The following SCN2A variants were observed in gnomAD, a reference collection of about 807,000 sequenced individuals.
SCN2A encodes sodium voltage-gated channel alpha subunit 2, also known as sodium channel protein type 2 subunit alpha.
In SCN2A, 20 loss-of-function variants were observed where a neutral mutation model predicts 188.7. The ratio of observed to expected loss-of-function variants is 0.11; its 90% CI spans 0.07 to 0.15. The LOEUF (loss-of-function observed/expected upper bound fraction) is 0.15. SCN2A is among the 10% of genes least tolerant of loss of function. SCN2A has a pLI of 1.00. For missense variants in SCN2A, 1,278 were observed against 2,445.0 expected, an observed-to-expected ratio of 0.52 and a Z score of 10.07; for synonymous variants, 804 against 833.1, an observed-to-expected ratio of 0.97 and a Z score of 0.60.
chr2:165,277,421 G>C (rs1695395887), intron 1 of SCN2A, among the ~76,000 whole-genome samples: 1 of 152,168 alleles, frequency 6.6e-6, no homozygotes. Context: ...AGAACTCAAA[G>C]AGAAAGCTTT....
intron 1 of SCN2A, among the ~76,000 whole-genome samples, chr2:165,263,755 T>C (rs148604091): frequency 1.3e-3 from 193 of 152,112 alleles, no homozygotes; most frequent in African/African-American, 3.9e-3. Flanking sequence ...TGAAGAATAA[T>C]GGTGGTATTT....
intron 1 of SCN2A, among the ~76,000 whole-genome samples, chr2:165,265,394 G>C (rs1417204677): frequency 7.6e-6 from 1 of 131,774 alleles, no homozygotes; most frequent in Admixed American, 7.9e-5. Context: ...ATAGATGCTG[G>C]ATATTAGACC....
At position 165,380,924 on chromosome 2, in the gene SCN2A, A is replaced by T. The variant is rs553456493; in HGVS notation, c.4447-169A>T. 5.9e-6 allele frequency: 4 copies of T among 675,866 alleles called. No homozygotes were observed. In the Admixed American group the frequency reaches 1.2e-4, roughly 20 times the overall value. The allele number at this position is 675,866 out of a possible 1,614,324, so 41.9% of individuals were successfully genotyped here. ...TGTTTTTGATATTTTTAGTCTAGAA[A>T]TATGACTAATATGGCATAATTTATA... On this transcript the variant is annotated intron_variant, in intron 24 of 26. Coordinates refer to ENST00000375437, the MANE Select transcript of SCN2A (RefSeq NM_001040142.2).
intron 25 of SCN2A, among the ~76,000 whole-genome samples, chr2:165,382,134 G>A (rs1017092720): frequency 1.3e-5 from 2 of 152,010 alleles, no homozygotes; most frequent in Admixed American, 1.3e-4. Context: ...TTTACTGTAT[G>A]AGAAAATGTA....
chr2:165,369,001 C>T (rs1430633480), intron 19 of SCN2A, among the ~76,000 whole-genome samples: 1 of 151,970 alleles, frequency 6.6e-6, no homozygotes, highest in Non-Finnish European at 1.5e-5. Context: ...TCTCGACTCA[C>T]TGCAGCCTCC....
chr2:165,371,383 A>C (rs1052646408), intron 20 of SCN2A: 12 of 152,206 alleles, frequency 7.9e-5, no homozygotes, highest in African/African-American at 2.9e-4. Flanking sequence ...TACAAATATA[A>C]ATAAGTCATT....
At chr2:165,257,981 TTTG>T (rs142097858) in intron 1 of SCN2A, among the ~76,000 whole-genome samples, 34,779 of 151,606 alleles carry the variant, frequency 0.23, 4,065 homozygotes, top group African/African-American at 0.29. Context: ...TAATGGTGGT[TTTG>T]TTGTTGTTGT....
chr2:165,280,750 C>T (rs1695549010), intron 1 of SCN2A, among the ~76,000 whole-genome samples: 1 of 152,140 alleles, frequency 6.6e-6, no homozygotes, highest in South Asian at 2.1e-4. Flanking sequence ...CCTTCCCCAT[C>T]CAGACCTGCA....
At chr2:165,330,719 A>G (rs1471733543) in intron 13 of SCN2A, among the ~76,000 whole-genome samples, 1 of 152,182 alleles carries the variant, frequency 6.6e-6, no homozygotes, top group Non-Finnish European at 1.5e-5. Context: ...TGAGGACTCC[A>G]GTTCCTTAGG....
chr2:165,318,178 T>A (rs952986482), intron 11 of SCN2A, among the ~76,000 whole-genome samples: 1 of 152,202 alleles, frequency 6.6e-6, no homozygotes, highest in Non-Finnish European at 1.5e-5. Context: ...TGTGTTTGTA[T>A]TGAAAAACTA....
Position 165,389,765 on chromosome 2 carries a change from G to GA in SCN2A, c.5964dup (p.Asp1989ArgfsTer16). Reference sequence around the variant, plus strand: ...GACCAAACCAGAAAAAGAAAAATTTGAAAAAGACAAATCAGAAAAGGAAGA... The same window carrying GA: ...GACCAAACCAGAAAAAGAAAAATTTGAAAAAAGACAAATCAGAAAAGGAAGA... On this transcript the variant is annotated frameshift_variant, in exon 27 of 27. Transcript: ENST00000375437. LOFTEE classifies it high-confidence loss of function. The surrounding 1 kb of genome is among the most constrained non-coding windows in gnomAD (Gnocchi z 4.2). 1.2e-6 allele frequency: 2 copies of GA among 1,612,748 alleles called. No homozygotes were observed. Among genetic ancestry groups the GA allele is most frequent in the Non-Finnish European group, 1.7e-6 (2 of 1,179,634 alleles).
At position 165,246,942 on chromosome 2, in the gene SCN2A, G is replaced by T. The variant is rs116298733; in HGVS notation, c.-52+7302G>T. ...ACCTCCTACCTTGACCTCACTCTCA[G>T]TTGACAACTTTGTTTCCTAAATCAG... On this transcript the variant is annotated intron_variant, in intron 1 of 26. Transcript: ENST00000375437. Among the ~76,000 whole-genome samples, 1,417 of 152,080 alleles carry T rather than the reference G, an allele frequency of 9.3e-3. 18 individuals are homozygous for T. Among genetic ancestry groups the T allele is most frequent in the African/African-American group, 0.032 (1,344 of 41,484 alleles).
chr2:165,381,233 A>G (rs756523174), intron 25 of SCN2A, 36 bp downstream of exon 25: 4 of 1,406,914 alleles, frequency 2.8e-6, no homozygotes, highest in Admixed American at 2.0e-5. Context: ...TGTTAAAACT[A>G]TATTACCTAA....
intron 1 of SCN2A, among the ~76,000 whole-genome samples, chr2:165,255,665 T>C (rs1310370249): frequency 3.9e-5 from 6 of 152,204 alleles, no homozygotes; most frequent in Non-Finnish European, 8.8e-5. Context: ...TAGCATCTTC[T>C]GTAGAGCTGA....
chr2:165,266,732 C>T (rs1339105222), intron 1 of SCN2A: 1 of 152,054 alleles, frequency 6.6e-6, no homozygotes, highest in Admixed American at 6.6e-5. Flanking sequence ...TACACATCCT[C>T]CATACTACCA....
At chr2:165,348,341 A>G (rs989605360) in intron 16 of SCN2A, among the ~76,000 whole-genome samples, 2 of 147,450 alleles carry the variant, frequency 1.4e-5, no homozygotes, top group African/African-American at 5.0e-5. Context: ...CCTGGGTGAA[A>G]GAGCGAGACT....
chr2:165,256,142 A>G (rs1369444118), intron 1 of SCN2A, among the ~76,000 whole-genome samples: 1 of 150,996 alleles, frequency 6.6e-6, no homozygotes, highest in Non-Finnish European at 1.5e-5. Flanking sequence ...AGTAGCTGGG[A>G]CTACAGGCAC....
At chr2:165,357,200 TA>T (rs1215916230) in intron 17 of SCN2A, among the ~76,000 whole-genome samples, 1 of 152,156 alleles carries the variant, frequency 6.6e-6, no homozygotes, top group African/African-American at 2.4e-5. Context: ...AGCTCTACAC[TA>T]AAAAACTAGA....
At chr2:165,264,835 G>C (rs1046085312) in intron 1 of SCN2A, among the ~76,000 whole-genome samples, 2 of 152,048 alleles carry the variant, frequency 1.3e-5, no homozygotes, top group African/African-American at 2.4e-5. Flanking sequence ...ATTCTGTGTT[G>C]TATATGTACC....
Sources: allele counts gnomAD v4.1 joint callset (sites outside exome capture counted in the v4.1 genomes callset), GRCh38; gene constraint gnomAD v4.1.1; non-coding constraint Gnocchi (gnomAD v3.1); transcripts MANE v1.5; gene names NCBI Gene and HGNC (gene_info 2026-07-23, HGNC 2026-07-21).